Variants in ABCA13 observed in about 807,000 individuals in gnomAD.
ABCA13 encodes the protein ATP-binding cassette sub-family A member 13.
ABCA13 carries 476 observed loss-of-function variants against 478.7 expected under a neutral mutation model. That is an observed-to-expected ratio of 0.99 (90% confidence interval 0.92 to 1.07). The LOEUF (loss-of-function observed/expected upper bound fraction) is 1.07. Ranked by LOEUF, ABCA13 falls within the 50% of genes least tolerant of loss-of-function variation. The probability of loss-of-function intolerance (pLI) is 0.00; values close to 1 mark genes in which losing one functional copy is unlikely to be tolerated. For missense variants in ABCA13, 6,060 were observed against 5,910.6 expected, an observed-to-expected ratio of 1.03 and a Z score of -0.83; for synonymous variants, 2,252 against 2,158.9, an observed-to-expected ratio of 1.04 and a Z score of -1.20.
intron 23 of ABCA13, 89 bp from the exon 24 acceptor site, chr7:48,309,858 G>T: frequency 6.8e-7 from 1 of 1,468,454 alleles, no homozygotes; most frequent in Non-Finnish European, 9.4e-7. Flanking sequence ...ACTCTTGGGC[G>T]ACTCCCTGCC....
intron 22 of ABCA13, 83 bp downstream of exon 22, chr7:48,297,394 C>A: frequency 7.6e-7 from 1 of 1,322,512 alleles, no homozygotes; most frequent in Non-Finnish European, 1.1e-6. Flanking sequence ...ATAAAACATA[C>A]AACAGAAAAT....
intron 5 of ABCA13, among the ~76,000 whole-genome samples, chr7:48,225,328 C>A (rs1455098932): frequency 6.9e-6 from 1 of 145,036 alleles, no homozygotes; most frequent in African/African-American, 2.5e-5. Flanking sequence ...TTTTTTCAAT[C>A]GATGGTTTAT....
chr7:48,210,887 T>C (rs1028587233), intron 3 of ABCA13, among the ~76,000 whole-genome samples: 1 of 152,154 alleles, frequency 6.6e-6, no homozygotes, highest in African/African-American at 2.4e-5. Flanking sequence ...AATCAAATGA[T>C]TCTTCATTGC....
rs1797023900 is a variant in ABCA13 at position 48,281,464 on chromosome 7, A to G, written c.8836+12A>G. On this transcript the variant is annotated intron_variant, in intron 19 of 61. Transcript: ENST00000435803. Reference sequence around the variant, plus strand: ...CACCATCGTTGCAGGTGGGCTGCTCATATAACAAGTGCTCTGCAATTGCCC... The same window carrying G: ...CACCATCGTTGCAGGTGGGCTGCTCGTATAACAAGTGCTCTGCAATTGCCC... The G allele has an allele frequency of 1.9e-6, 3 of 1,578,948 alleles. No individual in the cohort carries two copies. The highest frequency in any genetic ancestry group is 1.3e-5 in the African/African-American group (1 of 74,280).
chr7:48,240,364 T>C (rs2129012540), intron 9 of ABCA13, among the ~76,000 whole-genome samples: 1 of 152,294 alleles, frequency 6.6e-6, no homozygotes, highest in Admixed American at 6.5e-5. Context: ...ATCGTGCACC[T>C]CTCCATGCCA....
chr7:48,395,367 G>T (rs1816700955), intron 38 of ABCA13, among the ~76,000 whole-genome samples: 1 of 152,184 alleles, frequency 6.6e-6, no homozygotes, highest in Non-Finnish European at 1.5e-5. Context: ...AGACCCAATG[G>T]GGAATAAGAG....
intron 23 of ABCA13, among the ~76,000 whole-genome samples, chr7:48,306,236 G>T (rs1389463372): frequency 6.6e-6 from 1 of 152,188 alleles, no homozygotes. Flanking sequence ...TTGGTAAAAA[G>T]AGATGTAAAA....
chr7:48,413,812 G>T (rs558802698), intron 41 of ABCA13, among the ~76,000 whole-genome samples: 3 of 152,324 alleles, frequency 2.0e-5, no homozygotes, highest in African/African-American at 7.2e-5. Context: ...TTTATACATA[G>T]AATGTATTTG....
intron 54 of ABCA13, 33 bp from the exon 55 acceptor site, chr7:48,528,203 G>T: frequency 6.8e-7 from 1 of 1,480,856 alleles, no homozygotes; most frequent in South Asian, 1.2e-5. Context: ...TTGTTTGATT[G>T]AATGTGCTTT....
At chr7:48,466,805 G>A in intron 43 of ABCA13, 151 bp from the exon 44 acceptor site, 1 of 702,802 alleles carries the variant, frequency 1.4e-6, no homozygotes, top group Non-Finnish European at 2.5e-6. Context: ...CATAAAAACA[G>A]TGGAAAATTA....
chr7:48,289,043 C>CAG (rs959359414), intron 20 of ABCA13, among the ~76,000 whole-genome samples: 5 of 152,116 alleles, frequency 3.3e-5, no homozygotes, highest in Admixed American at 6.5e-5. Context: ...TCACAGAAAG[C>CAG]AGAGAAATAG....
chr7:48,312,372 A>C (rs555857214), intron 24 of ABCA13, among the ~76,000 whole-genome samples: 1 of 152,190 alleles, frequency 6.6e-6, no homozygotes, highest in African/African-American at 2.4e-5. Context: ...TCCTGTTGCT[A>C]TTTTATGCCC....
chr7:48,262,918 T>A (rs1183632446), intron 15 of ABCA13, among the ~76,000 whole-genome samples: 1 of 151,994 alleles, frequency 6.6e-6, no homozygotes, highest in Non-Finnish European at 1.5e-5. Context: ...CTTTGAAATA[T>A]TATAGCTTTG....
intron 43 of ABCA13, among the ~76,000 whole-genome samples, chr7:48,466,572 C>T (rs1313710461): frequency 1.3e-5 from 2 of 152,230 alleles, no homozygotes; most frequent in East Asian, 3.9e-4. Flanking sequence ...ACTTTAAGAG[C>T]ATAGTTTTGC....
intron 23 of ABCA13, among the ~76,000 whole-genome samples, chr7:48,308,525 G>A (rs1252949182): frequency 6.6e-6 from 1 of 152,066 alleles, no homozygotes; most frequent in Non-Finnish European, 1.5e-5. Flanking sequence ...GTTTACACCG[G>A]CACTGCCACA....
chr7:48,642,914 A>T (rs1157870900), intron 59 of ABCA13, among the ~76,000 whole-genome samples: 2 of 152,154 alleles, frequency 1.3e-5, no homozygotes, highest in African/African-American at 4.8e-5. Flanking sequence ...ATCAGTACAG[A>T]CCTTGAAGCA....
intron 35 of ABCA13, among the ~76,000 whole-genome samples, chr7:48,383,535 G>A (rs1222453148): frequency 2.6e-5 from 4 of 152,160 alleles, no homozygotes; most frequent in African/African-American, 9.7e-5. Context: ...AAATGTGAAG[G>A]TGTTCAATGA....
At chr7:48,244,518 C>T in intron 10 of ABCA13, 58 bp from the exon 11 acceptor site, 1 of 1,556,504 alleles carries the variant, frequency 6.4e-7, no homozygotes, top group Non-Finnish European at 8.7e-7. Flanking sequence ...TTTTATTTCC[C>T]TAATTGGCAC....
At chr7:48,176,540 A>G (rs1439602924) in intron 1 of ABCA13, among the ~76,000 whole-genome samples, 1 of 152,172 alleles carries the variant, frequency 6.6e-6, no homozygotes, top group African/African-American at 2.4e-5. Flanking sequence ...TAAAATGCAT[A>G]CTTTCTTTTA....
Sources: gnomAD v4.1 joint callset for allele counts (sites outside exome capture counted in the v4.1 genomes callset) on GRCh38, gnomAD v4.1.1 for gene constraint, MANE v1.5 for transcripts, NCBI Gene and HGNC (gene_info 2026-07-23, HGNC 2026-07-21) for gene names.